ARID2: variants seen among roughly 807,000 people sequenced by gnomAD.
ARID2 encodes AT-rich interaction domain 2, also known as AT-rich interactive domain-containing protein 2.
In ARID2, 32 loss-of-function variants were observed where a neutral mutation model predicts 184.6. The observed-to-expected ratio is 0.17, with a 90% CI of 0.13 to 0.23. ARID2 has a LOEUF of 0.23. Ranked by LOEUF, ARID2 falls within the 10% of genes least tolerant of loss-of-function variation. The pLI, the probability that ARID2 is intolerant of heterozygous loss-of-function variation, is 1.00. For missense variants in ARID2, 1,696 were observed against 2,197.6 expected (o/e 0.77, Z 4.56); for synonymous variants, 836 against 772.6 (o/e 1.08, Z -1.36).
At chr12:45,791,570 G>C (rs1047992173) in intron 3 of ARID2, among the ~76,000 whole-genome samples, 14 of 151,814 alleles carry the variant, frequency 9.2e-5, no homozygotes, top group African/African-American at 3.1e-4. Context: ...CTTATTTTTG[G>C]AAAAGTATAT....
At chr12:45,829,373 A>G (rs1383138671) in intron 6 of ARID2, among the ~76,000 whole-genome samples, 1 of 152,016 alleles carries the variant, frequency 6.6e-6, no homozygotes, top group East Asian at 1.9e-4. Flanking sequence ...TGTGTAGCTC[A>G]TTGCTAAAAA....
intron 3 of ARID2, among the ~76,000 whole-genome samples, chr12:45,735,031 T>G (rs1941081682): frequency 6.6e-6 from 1 of 152,178 alleles, no homozygotes; most frequent in Admixed American, 6.5e-5. Flanking sequence ...TATATGTACC[T>G]ACCTTTAGAA....
At chr12:45,881,873 A>T (rs771616819) in intron 16 of ARID2, 32 of 223,086 alleles carry the variant, frequency 1.4e-4, no homozygotes, top group Admixed American at 4.6e-4. Context: ...TCTCCTCCTC[A>T]CTGTGTCTGG....
In ARID2 at chr12:45,782,350, A is replaced by C. The variant is rs186323305; in HGVS notation, c.285-29068A>C. Reference sequence around the variant, plus strand: ...CTAATAAATTTAAACATCTGAATCAAGCTGGGCACGGTGGCTCATGCCTGT... The same window carrying C: ...CTAATAAATTTAAACATCTGAATCACGCTGGGCACGGTGGCTCATGCCTGT... On this transcript the variant is annotated intron_variant, in intron 3 of 20. Transcript: ENST00000334344. Among the ~76,000 whole-genome samples, 148 of 152,196 alleles carry C rather than the reference A, an allele frequency of 9.7e-4. 4 individuals carry two copies. The highest frequency in any genetic ancestry group is 3.4e-3 in the African/African-American group (143 of 41,540).
rs191520656 is a variant in ARID2, at chr12:45,902,422, A to C, written c.5364-2512A>C. On this transcript the variant is annotated intron_variant, in intron 20 of 20. Transcript: ENST00000334344. ...TAACATGTGACTATCACTTTGAAAA[A>C]TATGATTTTGTTAACTTTTTGAAAC... Among the ~76,000 whole-genome samples, 130 of 152,316 alleles carry C rather than the reference A, an allele frequency of 8.5e-4. 1 individual carries two copies. The highest frequency in any genetic ancestry group is 3.0e-3 in the African/African-American group (126 of 41,576).
intron 3 of ARID2, among the ~76,000 whole-genome samples, chr12:45,772,871 T>C (rs1334003952): frequency 1.3e-5 from 2 of 152,106 alleles, no homozygotes; most frequent in African/African-American, 2.4e-5. Context: ...CAAGGAAATA[T>C]AAGACTTGAA....
chr12:45,836,406 G>A (rs1943221073), intron 6 of ARID2, among the ~76,000 whole-genome samples, 183 bp from the exon 7 acceptor site: 1 of 152,092 alleles, frequency 6.6e-6, no homozygotes, highest in Admixed American at 6.5e-5. Context: ...TGTAGAGATG[G>A]GGTGTCTCTT....
rs1220208881 is a variant in ARID2 at position 45,899,681 on chromosome 12, T to TTATATATATATGGTTA, written c.5364-5227_5364-5212dup. Among the ~76,000 whole-genome samples the TTATATATATATGGTTA allele has an allele frequency of 6.3e-3, 347 of 54,800 alleles. 2 individuals are homozygous for TTATATATATATGGTTA. The highest frequency in any genetic ancestry group is 0.038 in the Middle Eastern group (5 of 130). The allele number at this position is 54,800 out of a possible 152,430, so 36.0% of individuals were successfully genotyped here. ...TATATATATATATGGTTATATATGGTTATATATATATGGTTATATATATAT... is the reference window on the plus strand; with the variant it reads ...TATATATATATATGGTTATATATGGTTATATATATATGGTTATATATATATATGGTTATATATATAT... On this transcript the variant is annotated intron_variant, in intron 20 of 20. Transcript: ENST00000334344.
chr12:45,890,301 T>C lies in ARID2; in HGVS notation c.4923-1479T>C, dbSNP rs553946171. On this transcript the variant is annotated intron_variant, in intron 16 of 20. Transcript: ENST00000334344. ...GCTGCTACATTCACCATTTTTATTGTTGCAAATAAACTTGATTAATTGTAT... is the reference window on the plus strand; with the variant it reads ...GCTGCTACATTCACCATTTTTATTGCTGCAAATAAACTTGATTAATTGTAT... Among the ~76,000 whole-genome samples the C allele has an allele frequency of 2.0e-5, 3 of 152,372 alleles. No individual in the cohort carries two copies. In the East Asian group the frequency reaches 5.8e-4, roughly 29 times the overall value.
chr12:45,731,421 C>G, intron 3 of ARID2, 107 bp downstream of exon 3: 1 of 736,878 alleles, frequency 1.4e-6, no homozygotes, highest in Non-Finnish European at 2.3e-6. Context: ...AGTTCTTAAG[C>G]TCTTGTTCAT....
chr12:45,735,598 A>C (rs1421325132), intron 3 of ARID2, among the ~76,000 whole-genome samples: 1 of 152,092 alleles, frequency 6.6e-6, no homozygotes, highest in Non-Finnish European at 1.5e-5. Flanking sequence ...TCGGATACAA[A>C]AGTGAGCCAC....
At chr12:45,807,567 T>C (rs1942625336) in intron 3 of ARID2, among the ~76,000 whole-genome samples, 1 of 152,162 alleles carries the variant, frequency 6.6e-6, no homozygotes, top group Non-Finnish European at 1.5e-5. Context: ...TGCTAGTCTT[T>C]ATAGTTTTGC....
intron 6 of ARID2, among the ~76,000 whole-genome samples, chr12:45,826,253 C>T (rs560598603): frequency 1.3e-3 from 197 of 151,932 alleles, no homozygotes; most frequent in Middle Eastern, 3.4e-3. Flanking sequence ...CAAAACAGTT[C>T]CACTGTAAAG....
At chr12:45,845,586 T>C (rs1943425992) in intron 11 of ARID2, among the ~76,000 whole-genome samples, 1 of 152,184 alleles carries the variant, frequency 6.6e-6, no homozygotes, top group Non-Finnish European at 1.5e-5. Flanking sequence ...GATTAAAATA[T>C]ATAATGTAAA....
intron 3 of ARID2, among the ~76,000 whole-genome samples, chr12:45,751,665 C>G (rs905985893): frequency 1.3e-5 from 2 of 152,166 alleles, no homozygotes; most frequent in Non-Finnish European, 2.9e-5. Context: ...TTACACAAAC[C>G]TAGCTGGTAG....
rs1565641178 is a variant in ARID2 at position 45,891,761 on chromosome 12, CT to C, written c.4923-18del. On this transcript the variant is annotated intron_variant, in intron 16 of 20. Coordinates refer to ENST00000334344, the MANE Select transcript of ARID2 (RefSeq NM_152641.4). ...ATACTTGAATACATCCAAGTGTCTA[CT>C]ACTTTTATTTTTTATAGGTGGTTTC... The C allele has an allele frequency of 6.2e-7, 1 of 1,608,220 alleles. No homozygotes were observed. Among genetic ancestry groups the C allele is most frequent in the Admixed American group, 1.7e-5 (1 of 58,462 alleles).
chr12:45,846,669 A>G (rs1026462545), intron 11 of ARID2, among the ~76,000 whole-genome samples, 187 bp from the exon 12 acceptor site: 4 of 152,152 alleles, frequency 2.6e-5, no homozygotes, highest in African/African-American at 9.7e-5. Flanking sequence ...CCTCTAAGAC[A>G]GTGCCTGGTA....
chr12:45,888,167 C>T (rs1944227882), intron 16 of ARID2, among the ~76,000 whole-genome samples: 1 of 150,980 alleles, frequency 6.6e-6, no homozygotes, highest in Non-Finnish European at 1.5e-5. Context: ...TGCACTCCAG[C>T]CTGGGTGACA....
intron 3 of ARID2, among the ~76,000 whole-genome samples, chr12:45,746,835 A>G (rs1264620788): frequency 6.6e-6 from 1 of 151,940 alleles, no homozygotes; most frequent in African/African-American, 2.4e-5. Context: ...GGCGCGATCG[A>G]GGCTCACTGC....
Sources: allele counts gnomAD v4.1 joint callset (sites outside exome capture counted in the v4.1 genomes callset), GRCh38; gene constraint gnomAD v4.1.1; transcripts MANE v1.5; gene names NCBI Gene and HGNC (gene_info 2026-07-23, HGNC 2026-07-21).